KIF13B: variants seen among roughly 807,000 people sequenced by gnomAD.
KIF13B encodes the protein kinesin family member 13B.
Under a neutral mutation model 222.0 loss-of-function variants are expected in KIF13B, and 127 were observed. The observed-to-expected ratio is 0.57, with a 90% CI of 0.50 to 0.66. The LOEUF is 0.66. KIF13B is among the 30% of genes least tolerant of loss of function. The probability of loss-of-function intolerance (pLI) is 0.00; values close to 1 mark genes in which losing one functional copy is unlikely to be tolerated. For missense variants in KIF13B, 2,173 were observed against 2,379.0 expected (o/e 0.91, Z 1.80); for synonymous variants, 976 against 919.0 (o/e 1.06, Z -1.12).
At chr8:29,211,745 G>A (rs951977596) in intron 2 of KIF13B, among the ~76,000 whole-genome samples, 1 of 152,184 alleles carries the variant, frequency 6.6e-6, no homozygotes, top group African/African-American at 2.4e-5. Flanking sequence ...CAGCCACAGA[G>A]GAAAGATCTC....
chr8:29,144,901 G>A (rs1250458873), intron 18 of KIF13B, among the ~76,000 whole-genome samples: 1 of 152,228 alleles, frequency 6.6e-6, no homozygotes, highest in Non-Finnish European at 1.5e-5. Context: ...CGTTGACATG[G>A]CTGCCCCAGT....
At chr8:29,118,276 G>A (rs112884113) in intron 30 of KIF13B, among the ~76,000 whole-genome samples, 4,093 of 151,630 alleles carry the variant, frequency 0.027, 62 homozygotes, top group Non-Finnish European at 0.04. Flanking sequence ...GATCACTTCC[G>A]GTCAGGAGTT....
At chr8:29,239,138 C>A (rs1197705757) in intron 2 of KIF13B, among the ~76,000 whole-genome samples, 1 of 152,126 alleles carries the variant, frequency 6.6e-6, no homozygotes, top group African/African-American at 2.4e-5. Context: ...ACCCGCCCAG[C>A]CCCCCAAACC....
intron 35 of KIF13B, among the ~76,000 whole-genome samples, chr8:29,103,658 C>T (rs1445170789): frequency 6.6e-6 from 1 of 152,050 alleles, no homozygotes; most frequent in Non-Finnish European, 1.5e-5. Flanking sequence ...TGGTGGAGTT[C>T]AGCAAAAACA....
intron 19 of KIF13B, 83 bp downstream of exon 19, chr8:29,142,074 T>C: frequency 8.9e-7 from 1 of 1,124,808 alleles, no homozygotes; most frequent in Middle Eastern, 2.1e-4. Flanking sequence ...AAAAGAACAA[T>C]TTTCCCCTGA....
At chr8:29,085,849 C>CAAAAAAAAAAAAAAAAAAA (rs752162185) in intron 37 of KIF13B, among the ~76,000 whole-genome samples, 1 of 67,368 alleles carries the variant, frequency 1.5e-5, no homozygotes, top group Non-Finnish European at 3.2e-5. Context: ...GAGCCCGTAA[C>CAAAAAAAAAAAAAAAAAAA]AAAAAAAAAA....
intron 22 of KIF13B, among the ~76,000 whole-genome samples, chr8:29,133,834 A>G (rs1403886761): frequency 1.3e-5 from 2 of 152,194 alleles, no homozygotes; most frequent in Non-Finnish European, 2.9e-5. Context: ...ATATACATAC[A>G]TATGTGTTTT....
intron 12 of KIF13B, 22 bp from the exon 13 acceptor site, chr8:29,160,889 T>C: frequency 6.2e-7 from 1 of 1,608,218 alleles, no homozygotes; most frequent in Non-Finnish European, 8.5e-7. Flanking sequence ...ATCAGAGAAG[T>C]ATTAATTTCA....
chr8:29,099,519 T>C (rs1368363237), intron 35 of KIF13B, among the ~76,000 whole-genome samples: 2 of 152,124 alleles, frequency 1.3e-5, no homozygotes, highest in Non-Finnish European at 2.9e-5. Flanking sequence ...GGACTGCAGC[T>C]ACATGCCACC....
intron 18 of KIF13B, among the ~76,000 whole-genome samples, chr8:29,145,280 A>AATG (rs770286816): frequency 6.6e-6 from 1 of 152,216 alleles, no homozygotes; most frequent in African/African-American, 2.4e-5. Flanking sequence ...ATATTTGCCA[A>AATG]ATATCTAACC....
chr8:29,118,064 A>C (rs1023776339), intron 30 of KIF13B, among the ~76,000 whole-genome samples: 2 of 152,028 alleles, frequency 1.3e-5, no homozygotes, highest in Admixed American at 1.3e-4. Context: ...ATATTGAGGC[A>C]AGAGGATCAC....
At chr8:29,097,783 A>G (rs1808601546) in intron 36 of KIF13B, among the ~76,000 whole-genome samples, 1 of 152,176 alleles carries the variant, frequency 6.6e-6, no homozygotes, top group Non-Finnish European at 1.5e-5. Context: ...TATATGATAA[A>G]CCTGTCAGAA....
intron 13 of KIF13B, among the ~76,000 whole-genome samples, chr8:29,157,044 A>G (rs1811564743): frequency 6.6e-6 from 1 of 152,030 alleles, no homozygotes; most frequent in Non-Finnish European, 1.5e-5. Flanking sequence ...TTCTCTTACA[A>G]GCCCATACCC....
chr8:29,225,000 C>T (rs1310039220), intron 2 of KIF13B, among the ~76,000 whole-genome samples: 1 of 152,092 alleles, frequency 6.6e-6, no homozygotes, highest in East Asian at 1.9e-4. Flanking sequence ...AACATGAGTA[C>T]AGTGATATGT....
rs1308777903 is a variant in KIF13B at position 29,070,701 on chromosome 8, C to T, written c.5284G>A (p.Val1762Ile). The T allele has an allele frequency of 2.6e-6, 4 of 1,561,606 alleles. No individual in the cohort carries two copies. In the South Asian group the frequency reaches 4.7e-5, roughly 18 times the overall value. Residue 1762 changes from valine to isoleucine, a missense_variant, in exon 40 of 40, where the codon GTC (valine) becomes ATC (isoleucine). By Grantham distance (29) the Val-to-Ile change is conservative. Coordinates refer to ENST00000524189, the MANE Select transcript of KIF13B (RefSeq NM_015254.4). This position sits in a 1 kb window ranked among gnomAD's most constrained non-coding sequence, Gnocchi z 4.1. ...FRCNPGYGLLVRPSRVRRATG... is the reference protein window; with the variant it reads ...FRCNPGYGLLIRPSRVRRATG... Reference sequence around the variant, plus strand: ...GCCCTGCGGACCCGGCTGGGCCTGACCAGCAGCCCGTAGCCAGGGTTACAC... The same window carrying T: ...GCCCTGCGGACCCGGCTGGGCCTGATCAGCAGCCCGTAGCCAGGGTTACAC...
chr8:29,168,466 G>A (rs1169037997), intron 10 of KIF13B, among the ~76,000 whole-genome samples: 3 of 152,360 alleles, frequency 2.0e-5, no homozygotes, highest in Admixed American at 6.5e-5. Context: ...CTTCCCTTGA[G>A]GGTGGCCAGG....
intron 36 of KIF13B, among the ~76,000 whole-genome samples, chr8:29,094,497 T>C (rs1289378555): frequency 6.6e-6 from 1 of 152,190 alleles, no homozygotes; most frequent in Non-Finnish European, 1.5e-5. Flanking sequence ...ACATACATCA[T>C]ATGGCCCCAT....
Position 29,123,452 on chromosome 8 carries a change from C to T in KIF13B, c.3393G>A (p.Leu1131=). The part of the protein sequence containing the change: ...EDDADREAQL[L]EMRLTLTEER... ...CCTCAGTTAGGGTCAACCGCATCTC[C>T]AGAAGCTGCGCTTCACGGTCAGCAT... Residue 1131 remains leucine (L), a synonymous_variant, in exon 28 of 40, where the codon CTG becomes CTA. Coordinates refer to ENST00000524189, the MANE Select transcript of KIF13B (RefSeq NM_015254.4). 1 of 1,614,058 alleles carries T rather than the reference C, an allele frequency of 6.2e-7. No homozygotes were observed. Among genetic ancestry groups the T allele is most frequent in the Non-Finnish European group, 8.5e-7 (1 of 1,179,894 alleles).
chr8:29,115,384 C>T (rs575806130), intron 31 of KIF13B, among the ~76,000 whole-genome samples: 2 of 149,088 alleles, frequency 1.3e-5, no homozygotes, highest in African/African-American at 2.5e-5. Flanking sequence ...TGGAGTGCAA[C>T]GGTGCAATCT....
Sources: allele counts gnomAD v4.1 joint callset (sites outside exome capture counted in the v4.1 genomes callset), GRCh38; gene constraint gnomAD v4.1.1; non-coding constraint Gnocchi (gnomAD v3.1); transcripts MANE v1.5; gene names NCBI Gene and HGNC (gene_info 2026-07-23, HGNC 2026-07-21).